Variants in TPD52L2 observed in about 807,000 individuals in gnomAD.
TPD52L2 encodes the protein TPD52 like 2.
A neutral mutation model predicts 24.7 loss-of-function variants in TPD52L2; 19 were observed. The ratio of observed to expected loss-of-function variants is 0.77; its 90% CI spans 0.54 to 1.13. TPD52L2 has a LOEUF of 1.13. Among genes scored for constraint, TPD52L2 ranks in the 50% most tolerant of loss-of-function variants. The probability of loss-of-function intolerance (pLI) is 0.00; values close to 1 mark genes in which losing one functional copy is unlikely to be tolerated. For missense variants in TPD52L2, 236 were observed against 250.4 expected (o/e 0.94, Z 0.39); for synonymous variants, 104 against 100.2 (o/e 1.04, Z -0.23).
At chr20:63,887,426 T>C in intron 5 of TPD52L2, 3 of 968,916 alleles carry the variant, frequency 3.1e-6, no homozygotes, top group Non-Finnish European at 5.0e-6. Flanking sequence ...GGGCATTGTG[T>C]GGAGGGGCAG....
At chr20:63,872,210 T>G (rs763210798) in intron 2 of TPD52L2, among the ~76,000 whole-genome samples, 4 of 152,018 alleles carry the variant, frequency 2.6e-5, no homozygotes, top group Non-Finnish European at 4.4e-5. Context: ...AACACAAGTG[T>G]TTTCTTAAGG....
At position 63,889,206 on chromosome 20, in the gene TPD52L2, A is replaced by C; in HGVS notation, c.493A>C (p.Lys165Gln). The C allele has an allele frequency of 6.2e-7, 1 of 1,613,466 alleles. No homozygotes were observed. The highest frequency in any genetic ancestry group is 8.5e-7 in the Non-Finnish European group (1 of 1,179,762). Residue 165 changes from lysine (K) to glutamine (Q), a missense_variant, in exon 6 of 7, where the codon AAG (lysine) becomes CAG (glutamine). Physicochemically the swap from Lys to Gln is moderately conservative, Grantham distance 53. Coordinates refer to ENST00000346249, the MANE Select transcript of TPD52L2 (RefSeq NM_003288.4). ...LGDMRNSATFKSFEDRVGTIK... is the reference protein window; with the variant it reads ...LGDMRNSATFQSFEDRVGTIK... The stretch of plus-strand genomic sequence containing the variant: ...TCTTTAAAGGAACTCTGCGACCTTC[A>C]AGTCGTTTGAGGACCGAGTTGGGAC...
In TPD52L2 at chr20:63,875,405, A is replaced by G. The variant is rs532676476; in HGVS notation, c.315-411A>G. 7.9e-5 allele frequency among the ~76,000 whole-genome samples: 12 copies of G among 152,264 alleles called. 1 individual carries two copies. The East Asian group carries it at 2.3e-3, about 29-fold the overall frequency. ...AATGTTTCCCAGAAGACATGTTCCTATACAAAGACAGAACAGGTCACATTT... is the reference window on the plus strand; with the variant it reads ...AATGTTTCCCAGAAGACATGTTCCTGTACAAAGACAGAACAGGTCACATTT... On this transcript the variant is annotated intron_variant, in intron 3 of 6. Coordinates refer to ENST00000346249, the MANE Select transcript of TPD52L2 (RefSeq NM_003288.4).
intron 1 of TPD52L2, among the ~76,000 whole-genome samples, chr20:63,866,674 C>T (rs533578354): frequency 6.7e-6 from 1 of 149,708 alleles, no homozygotes; most frequent in African/African-American, 2.5e-5. Context: ...TTAGCCATGA[C>T]GGTCTTGATA....
chr20:63,867,440 C>T (rs1044821958), intron 1 of TPD52L2, among the ~76,000 whole-genome samples: 5 of 152,114 alleles, frequency 3.3e-5, no homozygotes, highest in South Asian at 2.1e-4. Context: ...GTGGTGTGCT[C>T]CTGTAGTCCC....
chr20:63,869,313 CCTA>C lies in TPD52L2; in HGVS notation c.38_40del (p.Pro13_Asn14delinsHis), dbSNP rs778675974. 1.1e-5 allele frequency: 18 copies of C among 1,613,992 alleles called. No individual in the cohort carries two copies. Among genetic ancestry groups the C allele is most frequent in the Non-Finnish European group, 1.5e-5 (18 of 1,179,980 alleles). On this transcript the variant is annotated inframe_deletion, in exon 2 of 7. Coordinates refer to ENST00000346249, the MANE Select transcript of TPD52L2 (RefSeq NM_003288.4). ...TCTGGCAGATATCAACCTGAATTCT[CCTA>C]ACAAAGGTCTGCTGTCTGACTCCAT...
At chr20:63,874,704 C>G (rs1332727447) in intron 3 of TPD52L2, among the ~76,000 whole-genome samples, 1 of 151,780 alleles carries the variant, frequency 6.6e-6, no homozygotes, top group Non-Finnish European at 1.5e-5. Context: ...GGCAGACACA[C>G]TGGCTAGTTG....
chr20:63,876,082 C>A (rs141169546), intron 4 of TPD52L2, among the ~76,000 whole-genome samples: 233 of 152,318 alleles, frequency 1.5e-3, no homozygotes, highest in African/African-American at 5.4e-3. Flanking sequence ...ACTCACTCAG[C>A]CACCTGACCA....
intron 2 of TPD52L2, among the ~76,000 whole-genome samples, chr20:63,869,720 C>T (rs564615863): frequency 1.3e-5 from 2 of 152,268 alleles, no homozygotes; most frequent in African/African-American, 4.8e-5. Context: ...ACACATGAAC[C>T]GCCTCTGAGC....
intron 2 of TPD52L2, among the ~76,000 whole-genome samples, chr20:63,871,932 C>G (rs765627727): frequency 6.6e-6 from 1 of 151,926 alleles, no homozygotes; most frequent in Non-Finnish European, 1.5e-5. Flanking sequence ...TCGTACCCGG[C>G]CAAGAAAGAG....
chr20:63,889,976 CACGCA>C lies in TPD52L2; in HGVS notation c.*34_*38del, dbSNP rs747442497. On this transcript the variant is annotated 3_prime_UTR_variant, in exon 7 of 7. Transcript: ENST00000346249. ...TGGTTGCTTCACCCGCTGCAGAGCACACGCAACCCAGCCTCAGCATCACAGCCGCA... is the reference window on the plus strand; with the variant it reads ...TGGTTGCTTCACCCGCTGCAGAGCACACCCAGCCTCAGCATCACAGCCGCA... 2.5e-6 allele frequency: 4 copies of C among 1,612,824 alleles called. No homozygotes were observed. The South Asian group carries it at 4.4e-5, about 18-fold the overall frequency.
At chr20:63,870,394 C>G (rs6122202) in intron 2 of TPD52L2, among the ~76,000 whole-genome samples, 1 of 152,206 alleles carries the variant, frequency 6.6e-6, no homozygotes, top group East Asian at 1.9e-4. Context: ...TATTTCTAGC[C>G]TAGAAGATTA....
chr20:63,882,212 G>A (rs148961196), intron 4 of TPD52L2, among the ~76,000 whole-genome samples: 100 of 152,380 alleles, frequency 6.6e-4, no homozygotes, highest in African/African-American at 2.3e-3. Flanking sequence ...TCTCCCCTCA[G>A]CACAGTCTCA....
chr20:63,886,060 C>A (rs1481816415), intron 5 of TPD52L2: 2 of 1,613,796 alleles, frequency 1.2e-6, no homozygotes, highest in Non-Finnish European at 1.7e-6. Context: ...TGAGCCTGGA[C>A]ACACCTGTGG....
At chr20:63,872,658 G>T (rs1320967861) in intron 2 of TPD52L2, among the ~76,000 whole-genome samples, 1 of 150,226 alleles carries the variant, frequency 6.7e-6, no homozygotes, top group Non-Finnish European at 1.5e-5. Context: ...GATTACAGGC[G>T]TGAGCCACTG....
chr20:63,885,882 G>A (rs1386612888), intron 5 of TPD52L2: 41 of 859,064 alleles, frequency 4.8e-5, no homozygotes, highest in Non-Finnish European at 1.6e-5. Context: ...CGTCCTGGAG[G>A]GTCTTCCCCT....
chr20:63,883,401 G>C (rs1254893390), intron 5 of TPD52L2, among the ~76,000 whole-genome samples: 3 of 152,188 alleles, frequency 2.0e-5, no homozygotes, highest in African/African-American at 7.2e-5. Flanking sequence ...TTCCTTCCCT[G>C]TTCTAGGCTC....
intron 2 of TPD52L2, among the ~76,000 whole-genome samples, chr20:63,870,585 G>A (rs1194694375): frequency 2.8e-5 from 4 of 142,310 alleles, no homozygotes; most frequent in South Asian, 2.3e-4. Context: ...GTGCAGTGGC[G>A]CAATCTCGGC....
At chr20:63,870,520 G>GTTTT (rs959786861) in intron 2 of TPD52L2, among the ~76,000 whole-genome samples, 183 of 94,522 alleles carry the variant, frequency 1.9e-3, no homozygotes, top group South Asian at 4.1e-3. Flanking sequence ...ATAAGGTGAA[G>GTTTT]TTTTTTTTTT....
Sources: gnomAD v4.1 joint callset for allele counts (sites outside exome capture counted in the v4.1 genomes callset) on GRCh38, gnomAD v4.1.1 for gene constraint, MANE v1.5 for transcripts, NCBI Gene and HGNC (gene_info 2026-07-23, HGNC 2026-07-21) for gene names.